The following TLL2 variants were observed in gnomAD, a reference collection of about 807,000 sequenced individuals.
The protein encoded by TLL2 is tolloid-like protein 2.
In TLL2, 106 loss-of-function variants were observed where a neutral mutation model predicts 123.0. The ratio of observed to expected loss-of-function variants is 0.86; its 90% CI spans 0.74 to 1.01. The LOEUF is 1.01. TLL2 is among the 50% of genes least tolerant of loss of function. TLL2 has a pLI of 0.00. For missense variants in TLL2, 1,332 were observed against 1,336.7 expected (o/e 1.00, Z 0.06); for synonymous variants, 494 against 516.8 (o/e 0.96, Z 0.60).
chr10:96,406,648 C>T (rs1201389534), intron 9 of TLL2, among the ~76,000 whole-genome samples: 1 of 152,122 alleles, frequency 6.6e-6, no homozygotes, highest in East Asian at 1.9e-4. Context: ...GGCCTTGTGC[C>T]CCATGACCCC....
At chr10:96,487,352 C>G (rs1016730831) in intron 1 of TLL2, among the ~76,000 whole-genome samples, 4 of 152,188 alleles carry the variant, frequency 2.6e-5, no homozygotes, top group Admixed American at 2.0e-4. Flanking sequence ...CAGAAGACCC[C>G]ACCCTGCAAA....
chr10:96,419,927 G>A (rs182192166), intron 7 of TLL2, among the ~76,000 whole-genome samples: 2 of 152,220 alleles, frequency 1.3e-5, no homozygotes, highest in Non-Finnish European at 2.9e-5. Flanking sequence ...CACAGGGCAG[G>A]ATTTGCTGCC....
chr10:96,496,975 T>C (rs1227529833), intron 1 of TLL2, among the ~76,000 whole-genome samples: 4 of 149,416 alleles, frequency 2.7e-5, no homozygotes, highest in African/African-American at 9.7e-5. Flanking sequence ...CATTCACATA[T>C]TACATTGTAA....
chr10:96,448,853 G>A (rs1846926611), intron 2 of TLL2, among the ~76,000 whole-genome samples: 1 of 152,252 alleles, frequency 6.6e-6, no homozygotes, highest in African/African-American at 2.4e-5. Flanking sequence ...GGAGGGTCTG[G>A]AGAATCTGCT....
chr10:96,434,632 T>TA (rs1190568185), intron 3 of TLL2, among the ~76,000 whole-genome samples: 3 of 152,376 alleles, frequency 2.0e-5, no homozygotes, highest in Non-Finnish European at 4.4e-5. Flanking sequence ...CTGTTAGGAA[T>TA]AACGCTTCTA....
At position 96,395,875 on chromosome 10, in the gene TLL2, C is replaced by T; in HGVS notation, c.1530G>A (p.Glu510=). 1 of 1,614,146 alleles carries T rather than the reference C, an allele frequency of 6.2e-7. No individual in the cohort carries two copies. Among genetic ancestry groups the T allele is most frequent in the Non-Finnish European group, 8.5e-7 (1 of 1,180,014 alleles). The change falls in exon 12 of 21, where the codon GAG becomes GAA. Residue 510 remains glutamate, a splice_region_variant and synonymous_variant. Coordinates refer to ENST00000357947, the MANE Select transcript of TLL2 (RefSeq NM_012465.4). ...GGAAGCCGGTCTGAGCAGCACTCACCTCAAAAGCTTGGAAGGTAAGTCCCA... is the reference window on the plus strand; with the variant it reads ...GGAAGCCGGTCTGAGCAGCACTCACTTCAAAAGCTTGGAAGGTAAGTCCCA... ...FHVGLTFQAF[E]IERHDSCAYD... is the part of the protein sequence containing the mutation.
At chr10:96,468,997 AT>A (rs1847154186) in intron 2 of TLL2, among the ~76,000 whole-genome samples, 1 of 152,236 alleles carries the variant, frequency 6.6e-6, no homozygotes, top group African/African-American at 2.4e-5. Context: ...ACGTTATCAG[AT>A]GCCTCCTTAT....
intron 3 of TLL2, among the ~76,000 whole-genome samples, chr10:96,433,173 T>C (rs187709466): frequency 3.4e-4 from 52 of 151,378 alleles, no homozygotes; most frequent in Admixed American, 1.1e-3. Context: ...ATGATGGGAG[T>C]GGGTTTGGCT....
intron 5 of TLL2, among the ~76,000 whole-genome samples, chr10:96,426,445 T>C (rs1846678439): frequency 6.6e-6 from 1 of 152,316 alleles, no homozygotes; most frequent in South Asian, 2.1e-4. Flanking sequence ...TTGAAAGCGT[T>C]CATCTTTCTC....
At chr10:96,500,808 G>A (rs1056782828) in intron 1 of TLL2, among the ~76,000 whole-genome samples, 1 of 136,622 alleles carries the variant, frequency 7.3e-6, no homozygotes, top group Non-Finnish European at 1.6e-5. Flanking sequence ...GAGGGACGGA[G>A]GGAGGGAGGG....
At chr10:96,470,117 A>G (rs1847165121) in intron 2 of TLL2, among the ~76,000 whole-genome samples, 1 of 152,134 alleles carries the variant, frequency 6.6e-6, no homozygotes, top group Admixed American at 6.5e-5. Context: ...AATCTGTACA[A>G]AGGGCCCTGT....
chr10:96,500,144 CAAAA>C (rs57153896), intron 1 of TLL2, among the ~76,000 whole-genome samples: 2 of 120,774 alleles, frequency 1.7e-5, no homozygotes, highest in African/African-American at 3.1e-5. Flanking sequence ...AAATCTCTAC[CAAAA>C]AAAAAAAAAA....
At chr10:96,477,352 A>AT (rs33983869) in intron 2 of TLL2, among the ~76,000 whole-genome samples, 34 of 139,992 alleles carry the variant, frequency 2.4e-4, no homozygotes, top group Admixed American at 3.6e-4. Context: ...TTTAATTTTA[A>AT]TTTTTTTTTT....
chr10:96,485,658 A>G (rs1199292018), intron 1 of TLL2, among the ~76,000 whole-genome samples: 3 of 152,248 alleles, frequency 2.0e-5, no homozygotes, highest in East Asian at 1.9e-4. Flanking sequence ...ACTGAATACA[A>G]TAACTGTCTC....
At chr10:96,395,061 C>T (rs140587943) in intron 13 of TLL2, 126 bp downstream of exon 13, 39 of 1,012,244 alleles carry the variant, frequency 3.9e-5, no homozygotes, top group East Asian at 3.1e-4. Flanking sequence ...TGAAATGCAT[C>T]GCTGCCTTTT....
chr10:96,367,402 T>C lies in TLL2; in HGVS notation c.*686A>G, dbSNP rs1846039100. On this transcript the variant is annotated 3_prime_UTR_variant, in exon 21 of 21. Coordinates refer to ENST00000357947, the MANE Select transcript of TLL2 (RefSeq NM_012465.4). ...TTCTGCTGTATTCATAATGGATGCCTTAGCCCCCACTGCAATTAGGGAGGG... is the reference window on the plus strand; with the variant it reads ...TTCTGCTGTATTCATAATGGATGCCCTAGCCCCCACTGCAATTAGGGAGGG... The C allele has an allele frequency of 6.6e-6, 1 of 152,286 alleles. No homozygotes were observed. The highest frequency in any genetic ancestry group is 2.1e-4 in the South Asian group (1 of 4,820). 9.4% of individuals were successfully genotyped at this position (152,286 alleles called of 1,614,324 possible).
intron 2 of TLL2, among the ~76,000 whole-genome samples, chr10:96,449,727 C>T (rs1457060030): frequency 6.6e-6 from 1 of 152,210 alleles, no homozygotes; most frequent in African/African-American, 2.4e-5. Flanking sequence ...TCCTCTCCTA[C>T]TCCCTCCACT....
At chr10:96,494,574 G>A (rs1353711881) in intron 1 of TLL2, among the ~76,000 whole-genome samples, 2 of 152,218 alleles carry the variant, frequency 1.3e-5, no homozygotes, top group Non-Finnish European at 2.9e-5. Context: ...AGACCTCAGG[G>A]CTACACTAAG....
chr10:96,441,863 G>A (rs1310656798), intron 3 of TLL2, among the ~76,000 whole-genome samples: 1 of 152,160 alleles, frequency 6.6e-6, no homozygotes, highest in African/African-American at 2.4e-5. Context: ...GAATTCCAGC[G>A]TCGAGTGCTG....
Sources: allele counts gnomAD v4.1 joint callset (sites outside exome capture counted in the v4.1 genomes callset), GRCh38; gene constraint gnomAD v4.1.1; transcripts MANE v1.5; gene names NCBI Gene and HGNC (gene_info 2026-07-23, HGNC 2026-07-21).